The following CSNK1G3 variants were observed in gnomAD, a reference collection of about 807,000 sequenced individuals.
CSNK1G3 encodes the protein casein kinase I isoform gamma-3.
CSNK1G3 carries 23 observed loss-of-function variants against 64.3 expected under a neutral mutation model. The observed-to-expected ratio is 0.36, with a 90% CI of 0.26 to 0.51. The LOEUF is 0.51. Ranked by LOEUF, CSNK1G3 falls within the 20% of genes least tolerant of loss-of-function variation. The pLI is 0.96. For missense variants in CSNK1G3, 357 were observed against 510.5 expected, an observed-to-expected ratio of 0.70 and a Z score of 2.90; for synonymous variants, 158 against 162.2, an observed-to-expected ratio of 0.97 and a Z score of 0.20.
In CSNK1G3 at chr5:123,613,631, C is replaced by CA. The variant is rs1748925675; in HGVS notation, c.1218-708dup. On this transcript the variant is annotated intron_variant, in intron 12 of 12. Transcript: ENST00000345990. ...AAGCAATCCTCCTGCCTCGGCCTCT[C>CA]AAAGTGCTGGGATTACAGGCATGAG... Among the ~76,000 whole-genome samples, 5 of 152,174 alleles carry CA rather than the reference C, an allele frequency of 3.3e-5. No individual in the cohort carries two copies. The South Asian group carries it at 1.0e-3, about 32-fold the overall frequency.
chr5:123,592,548 A>G (rs191731786), intron 10 of CSNK1G3, among the ~76,000 whole-genome samples: 4 of 151,914 alleles, frequency 2.6e-5, no homozygotes, highest in Admixed American at 2.0e-4. Flanking sequence ...GTGTCTAGAA[A>G]TTTTCTCTTA....
At chr5:123,527,020 A>G (rs1371698277) in intron 1 of CSNK1G3, among the ~76,000 whole-genome samples, 2 of 152,120 alleles carry the variant, frequency 1.3e-5, no homozygotes, top group African/African-American at 4.8e-5. Context: ...CCCACTGGCA[A>G]TATAGAAGAG....
chr5:123,574,537 A>G (rs1421519075), intron 5 of CSNK1G3, among the ~76,000 whole-genome samples: 2 of 152,086 alleles, frequency 1.3e-5, no homozygotes, highest in African/African-American at 4.8e-5. Context: ...ATTGTTTTAT[A>G]GGCTAGGTGT....
At chr5:123,558,687 A>G (rs1329821127) in intron 4 of CSNK1G3, among the ~76,000 whole-genome samples, 2 of 152,220 alleles carry the variant, frequency 1.3e-5, no homozygotes, top group African/African-American at 4.8e-5. Context: ...CTTATAATAC[A>G]TATTTAAGTC....
intron 12 of CSNK1G3, among the ~76,000 whole-genome samples, chr5:123,609,918 A>G (rs1055919934): frequency 1.3e-5 from 2 of 152,064 alleles, no homozygotes; most frequent in Middle Eastern, 3.2e-3. Flanking sequence ...TGGCATATTT[A>G]TGATGGGGGC....
intron 2 of CSNK1G3, among the ~76,000 whole-genome samples, chr5:123,547,304 A>G (rs1445168161): frequency 1.3e-5 from 2 of 152,246 alleles, no homozygotes; most frequent in Non-Finnish European, 1.5e-5. Flanking sequence ...CCAACACTAT[A>G]CTTGCATATA....
At chr5:123,545,663 T>C in exon 2 of CSNK1G3, 1 of 1,611,006 alleles carries the variant, frequency 6.2e-7, no homozygotes, top group Non-Finnish European at 8.5e-7. Flanking sequence ...GCAAACTTGA[T>C]ATGGAAAATA....
intron 1 of CSNK1G3, among the ~76,000 whole-genome samples, chr5:123,531,879 CA>C (rs1387912108): frequency 1.3e-5 from 2 of 151,706 alleles, no homozygotes; most frequent in Admixed American, 6.6e-5. Flanking sequence ...AAATTGTAAG[CA>C]GGGGGTATTT....
intron 12 of CSNK1G3, among the ~76,000 whole-genome samples, chr5:123,608,794 G>A (rs1378852751): frequency 6.6e-6 from 1 of 152,078 alleles, no homozygotes; most frequent in East Asian, 1.9e-4. Context: ...GTGGGGCCTG[G>A]TTATCAGTAT....
At position 123,574,510 on chromosome 5, in the gene CSNK1G3, A is replaced by T. The variant is rs534525420; in HGVS notation, c.438+969A>T. 1.2e-4 allele frequency among the ~76,000 whole-genome samples: 18 copies of T among 152,248 alleles called. No individual in the cohort carries two copies. In the East Asian group the frequency reaches 3.3e-3, roughly 28 times the overall value. On this transcript the variant is annotated intron_variant, in intron 5 of 12. Coordinates refer to ENST00000345990, the Ensembl canonical transcript of CSNK1G3. ...TCCAGAGGAAAATATGCAGCTGTTA[A>T]AAAGTGCATATTAAAGATTGTTTTA...
At chr5:123,539,463 C>T (rs926141632) in intron 1 of CSNK1G3, among the ~76,000 whole-genome samples, 1 of 151,180 alleles carries the variant, frequency 6.6e-6, no homozygotes, top group African/African-American at 2.4e-5. Flanking sequence ...AAAGATTATC[C>T]CTGTGGGTTT....
At chr5:123,585,601 A>G (rs1201845972) in intron 6 of CSNK1G3, among the ~76,000 whole-genome samples, 1 of 152,222 alleles carries the variant, frequency 6.6e-6, no homozygotes, top group African/African-American at 2.4e-5. Flanking sequence ...CAGAATATAC[A>G]AGGAACTATT....
At chr5:123,571,157 G>T (rs143288508) in intron 4 of CSNK1G3, among the ~76,000 whole-genome samples, 1 of 152,114 alleles carries the variant, frequency 6.6e-6, no homozygotes, top group Non-Finnish European at 1.5e-5. Flanking sequence ...GTGTTTGCAG[G>T]GGGTGGTGAT....
chr5:123,607,769 C>T (rs998646483), intron 12 of CSNK1G3, among the ~76,000 whole-genome samples: 1 of 152,140 alleles, frequency 6.6e-6, no homozygotes, highest in Admixed American at 6.5e-5. Flanking sequence ...TATAGCAACT[C>T]ATAATATCAG....
At chr5:123,593,997 G>A (rs755315294) in intron 10 of CSNK1G3, among the ~76,000 whole-genome samples, 27 of 152,050 alleles carry the variant, frequency 1.8e-4, no homozygotes, top group Non-Finnish European at 3.4e-4. Context: ...AAGGAGCTAG[G>A]TAGTATTATT....
chr5:123,592,632 GAAGATTA>G (rs911971394), intron 10 of CSNK1G3, among the ~76,000 whole-genome samples: 3 of 151,708 alleles, frequency 2.0e-5, no homozygotes, highest in African/African-American at 7.3e-5. Context: ...AAGTTTAAGT[GAAGATTA>G]AAGATTAAAA....
chr5:123,537,648 G>GT (rs954756979), intron 1 of CSNK1G3, among the ~76,000 whole-genome samples: 1 of 152,100 alleles, frequency 6.6e-6, no homozygotes, highest in Non-Finnish European at 1.5e-5. Context: ...GAAACACGCA[G>GT]TTTTTTATGT....
intron 1 of CSNK1G3, among the ~76,000 whole-genome samples, chr5:123,535,153 A>G (rs927900522): frequency 6.6e-5 from 10 of 152,144 alleles, no homozygotes; most frequent in Non-Finnish European, 1.3e-4. Flanking sequence ...GTGTGAAGTG[A>G]TAAGAGCACC....
chr5:123,531,820 C>T (rs1017994821), intron 1 of CSNK1G3, among the ~76,000 whole-genome samples: 1 of 151,830 alleles, frequency 6.6e-6, no homozygotes, highest in African/African-American at 2.4e-5. Context: ...GAGGCAATAT[C>T]TCTTGTAAAA....
Sources: allele counts gnomAD v4.1 joint callset (sites outside exome capture counted in the v4.1 genomes callset), GRCh38; gene constraint gnomAD v4.1.1; transcripts MANE v1.5; gene names NCBI Gene and HGNC (gene_info 2026-07-23, HGNC 2026-07-21).